RPS27L: variants seen among roughly 807,000 people sequenced by gnomAD.
RPS27L encodes ribosomal protein S27 like.
A neutral mutation model predicts 12.8 loss-of-function variants in RPS27L; 10 were observed. The observed-to-expected ratio is 0.78, with a 90% CI of 0.48 to 1.33. The LOEUF (loss-of-function observed/expected upper bound fraction) is 1.33, where lower values mean the gene tolerates loss of function less well. Among genes scored for constraint, RPS27L ranks in the 40% most tolerant of loss-of-function variants. The probability of loss-of-function intolerance (pLI) is 0.00; values close to 1 mark genes in which losing one functional copy is unlikely to be tolerated. For synonymous variants in RPS27L, 26 were observed against 32.3 expected, an observed-to-expected ratio of 0.81 and a Z score of 0.66; for missense variants, 81 against 97.4, an observed-to-expected ratio of 0.83 and a Z score of 0.71.
intron 3 of RPS27L, 65 bp downstream of exon 3, chr15:63,155,556 G>A (rs1011493667): frequency 4.9e-6 from 5 of 1,028,360 alleles, no homozygotes; most frequent in East Asian, 2.6e-5. Context: ...AAACTTTTCA[G>A]TGAAGATAGA....
At position 63,154,079 on chromosome 15, in the gene RPS27L, A is replaced by T; in HGVS notation, c.227-19T>A. ...GAACACCCTGCAAAAGAATCATGAG[A>T]GTATATTAAACAAGTGCATTCTACC... On this transcript the variant is annotated intron_variant, in intron 3 of 3. Coordinates refer to ENST00000330964, the MANE Select transcript of RPS27L (RefSeq NM_015920.4). 3.1e-6 allele frequency: 5 copies of T among 1,597,654 alleles called. No individual in the cohort carries two copies. The highest frequency in any genetic ancestry group is 4.3e-6 in the Non-Finnish European group (5 of 1,166,760).
At chr15:63,157,121 G>A in intron 1 of RPS27L, 2 of 523,612 alleles carry the variant, frequency 3.8e-6, no homozygotes, top group Non-Finnish European at 6.8e-6. Flanking sequence ...AACCTCAGGG[G>A]CATCCTCAAA....
rs2037286890 is a variant in RPS27L at position 63,149,575 on chromosome 15, AAAAAAAAAAG to A, written c.*4447_*4456del. ...GAGCAAGACTCCGTCTCAAAAAAAA[AAAAAAAAAAG>A]AAAGAAAAAGAAAAAAGAGAATTAC... is the stretch of plus-strand genomic sequence containing the variant. On this transcript the variant is annotated 3_prime_UTR_variant, in exon 4 of 4. Transcript: ENST00000330964. 3.2e-5 allele frequency: 2 copies of A among 61,562 alleles called. No individual in the cohort carries two copies. Among genetic ancestry groups the A allele is most frequent in the South Asian group, 8.6e-4 (2 of 2,332 alleles). 3.8% of individuals were successfully genotyped at this position (61,562 alleles called of 1,614,324 possible). A position where few individuals can be genotyped will look rare whatever the true frequency, so the allele number is the denominator to read the frequency against.
At chr15:63,154,747 G>A (rs1355356916) in intron 3 of RPS27L, 1 of 151,890 alleles carries the variant, frequency 6.6e-6, no homozygotes, top group Non-Finnish European at 1.5e-5. Context: ...AAATTTACAA[G>A]TATTACTATG....
rs2037293472 is a variant in RPS27L, at chr15:63,150,473, G to C, written c.*3559C>G. On this transcript the variant is annotated 3_prime_UTR_variant, in exon 4 of 4. Transcript: ENST00000330964. ...CCTTGTAAATATAGTAAAAACTACT[G>C]ACTTTTACATCACAGAAGTTTGGAT... 1 of 152,156 alleles carries C rather than the reference G, an allele frequency of 6.6e-6. No individual in the cohort carries two copies. Among genetic ancestry groups the C allele is most frequent in the African/African-American group, 2.4e-5 (1 of 41,424 alleles). 9.4% of individuals were successfully genotyped at this position (152,156 alleles called of 1,614,324 possible).
Position 63,157,427 on chromosome 15 carries a change from G to C in RPS27L, c.-22C>G, listed in dbSNP as rs746203378. On this transcript the variant is annotated 5_prime_UTR_variant, in exon 1 of 4. Coordinates refer to ENST00000330964, the MANE Select transcript of RPS27L (RefSeq NM_015920.4). ...GCATGTTGATCCTCTTGCAAGCTCA[G>C]CCCTACCAGACCTCCCAGCCCACAC... The C allele has an allele frequency of 1.2e-6, 2 of 1,613,876 alleles. No individual in the cohort carries two copies. The highest frequency in any genetic ancestry group is 1.1e-5 in the South Asian group (1 of 91,086).
In RPS27L at chr15:63,156,496, G is replaced by A; in HGVS notation, c.32C>T (p.Ser11Phe). 6.2e-7 allele frequency: 1 copy of A among 1,606,330 alleles called. No individual in the cohort carries two copies. Among genetic ancestry groups the A allele is most frequent in the Non-Finnish European group, 8.5e-7 (1 of 1,175,036 alleles). Residue 11 changes from serine (S) to phenylalanine (F), a missense_variant, in exon 2 of 4, where the codon TCC becomes TTC. By Grantham distance (155) the Ser-to-Phe change is radical (BLOSUM62 -2). Coordinates refer to ENST00000330964, the MANE Select transcript of RPS27L (RefSeq NM_015920.4). The stretch of plus-strand genomic sequence containing the variant: ...ATGTTTTTTCTTTTCCTCTTCCAAG[G>A]ACGGATGTAGTAAATCTCTAGCCAA... MPLARDLLHP[S>F]LEEEKKKHKK...
rs897939828 is a variant in RPS27L, at chr15:63,151,150, C to A, written c.*2882G>T. ...GAAAGTCCTGGTGTCCTATTCAGCA[C>A]TTTTCAAAACCAGTAATACCATCTA... On this transcript the variant is annotated 3_prime_UTR_variant, in exon 4 of 4. Coordinates refer to ENST00000330964, the MANE Select transcript of RPS27L (RefSeq NM_015920.4). 6.6e-6 allele frequency: 1 copy of A among 152,200 alleles called. No individual in the cohort carries two copies. Among genetic ancestry groups the A allele is most frequent in the Non-Finnish European group, 1.5e-5 (1 of 68,046 alleles). The allele number at this position is 152,200 out of a possible 1,614,324, so 9.4% of individuals were successfully genotyped here.
chr15:63,154,640 T>C (rs1261776950), intron 3 of RPS27L: 1 of 152,188 alleles, frequency 6.6e-6, no homozygotes, highest in African/African-American at 2.4e-5. Flanking sequence ...AGATCTCAGA[T>C]TTGCTGCCAA....
At position 63,149,397 on chromosome 15, in the gene RPS27L, A is replaced by T. The variant is rs1471082884; in HGVS notation, c.*4635T>A. The T allele has an allele frequency of 6.6e-6, 1 of 151,992 alleles. No individual in the cohort carries two copies. Among genetic ancestry groups the T allele is most frequent in the Non-Finnish European group, 1.5e-5 (1 of 68,040 alleles). The allele number at this position is 151,992 out of a possible 1,614,324, so 9.4% of individuals were successfully genotyped here. A position where few individuals can be genotyped will look rare whatever the true frequency, so the allele number is the denominator to read the frequency against. On this transcript the variant is annotated 3_prime_UTR_variant, in exon 4 of 4. Transcript: ENST00000330964. Reference sequence around the variant, plus strand: ...GCTAACACGGTGAAACCCCATCTCTACTAAAAATACTTTAAAAAAATTAGC... The same window carrying T: ...GCTAACACGGTGAAACCCCATCTCTTCTAAAAATACTTTAAAAAAATTAGC...
In RPS27L at chr15:63,149,504, T is replaced by G; in HGVS notation, c.*4528A>C. The G allele has an allele frequency of 6.9e-6, 1 of 144,756 alleles. No individual in the cohort carries two copies. The highest frequency in any genetic ancestry group is 1.5e-5 in the Non-Finnish European group (1 of 65,334). The allele number at this position is 144,756 out of a possible 1,614,324, so 9.0% of individuals were successfully genotyped here. A position where few individuals can be genotyped will look rare whatever the true frequency, so the allele number is the denominator to read the frequency against. ...ATGGCGTGAACCCAGGAGGAGGAGC[T>G]TGCGGTGAACTGAGATTGCGCCACT... On this transcript the variant is annotated 3_prime_UTR_variant, in exon 4 of 4. Coordinates refer to ENST00000330964, the MANE Select transcript of RPS27L (RefSeq NM_015920.4).
In RPS27L at chr15:63,151,100, G is replaced by A. The variant is rs1261461428; in HGVS notation, c.*2932C>T. The stretch of plus-strand genomic sequence containing the variant: ...TTTAAAACATTCAGTATATAATAAT[G>A]TATGTGGCTGACCCTGAAGTTTGGG... On this transcript the variant is annotated 3_prime_UTR_variant, in exon 4 of 4. Transcript: ENST00000330964. The A allele has an allele frequency of 2.0e-5, 3 of 152,108 alleles. No individual in the cohort carries two copies. Among genetic ancestry groups the A allele is most frequent in the Non-Finnish European group, 4.4e-5 (3 of 68,030 alleles). 9.4% of individuals were successfully genotyped at this position (152,108 alleles called of 1,614,324 possible). A position where few individuals can be genotyped will look rare whatever the true frequency, so the allele number is the denominator to read the frequency against.
At position 63,155,697 on chromosome 15, in the gene RPS27L, A is replaced by G. The variant is rs1226666202; in HGVS notation, c.150T>C (p.Ala50=). The change falls in exon 3 of 4, where the codon GCT becomes GCC. Residue 50 remains alanine (A), a synonymous_variant. Transcript: ENST00000330964. ...CYKITTVFSH[A]QTVVLCVGCS... Reference sequence around the variant, plus strand: ...AACCTACACAAAGAACCACTGTCTGAGCATGGCTGAAAACCGTGGTGATCT... The same window carrying G: ...AACCTACACAAAGAACCACTGTCTGGGCATGGCTGAAAACCGTGGTGATCT... The G allele has an allele frequency of 1.3e-6, 2 of 1,547,992 alleles. No individual in the cohort carries two copies. The highest frequency in any genetic ancestry group is 1.7e-6 in the Non-Finnish European group (2 of 1,150,308).
rs75732482 is a variant in RPS27L, at chr15:63,154,458, T to C, written c.227-398A>G. 295 of 164,104 alleles carry C rather than the reference T, an allele frequency of 1.8e-3. 3 individuals are homozygous for C. In the East Asian group the frequency reaches 0.042, roughly 23 times the overall value. 10.2% of individuals were successfully genotyped at this position (164,104 alleles called of 1,614,324 possible). On this transcript the variant is annotated intron_variant, in intron 3 of 3. Transcript: ENST00000330964. Reference sequence around the variant, plus strand: ...CCTATTAGGAAAACTCTAGAACAGATAGACCCATTAAACCATCTGTCAGCA... The same window carrying C: ...CCTATTAGGAAAACTCTAGAACAGACAGACCCATTAAACCATCTGTCAGCA...
intron 1 of RPS27L, chr15:63,157,167 T>A (rs2037337755): frequency 1.7e-6 from 1 of 593,736 alleles, no homozygotes; most frequent in African/African-American, 1.9e-5. Context: ...AGAGAACTGT[T>A]CCCCTCCCAG....
In RPS27L at chr15:63,153,937, A is replaced by T; in HGVS notation, c.*95T>A. ...ATACCTTACAAAACCAAATGTAATT[A>T]CATTATCTTGGTAAATTAATTAGAA... On this transcript the variant is annotated 3_prime_UTR_variant, in exon 4 of 4. Coordinates refer to ENST00000330964, the MANE Select transcript of RPS27L (RefSeq NM_015920.4). The T allele has an allele frequency of 1.8e-6, 2 of 1,085,684 alleles. No individual in the cohort carries two copies. Among genetic ancestry groups the T allele is most frequent in the Non-Finnish European group, 2.8e-6 (2 of 711,224 alleles). 67.3% of individuals were successfully genotyped at this position (1,085,684 alleles called of 1,614,324 possible). A position where few individuals can be genotyped will look rare whatever the true frequency, so the allele number is the denominator to read the frequency against.
rs1169790737 is a variant in RPS27L, at chr15:63,152,777, G to T, written c.*1255C>A. The T allele has an allele frequency of 3.3e-5, 5 of 152,132 alleles. No individual in the cohort carries two copies. Among genetic ancestry groups the T allele is most frequent in the African/African-American group, 1.2e-4 (5 of 41,392 alleles). 9.4% of individuals were successfully genotyped at this position (152,132 alleles called of 1,614,324 possible). A position where few individuals can be genotyped will look rare whatever the true frequency, so the allele number is the denominator to read the frequency against. On this transcript the variant is annotated 3_prime_UTR_variant, in exon 4 of 4. Transcript: ENST00000330964. ...CCCAAAGTGCTGGGATTACAGGTGT[G>T]AGCCACTGCGCCCAGCCTTCCTTAT... is the stretch of plus-strand genomic sequence containing the variant.
chr15:63,150,075 C>T lies in RPS27L; in HGVS notation c.*3957G>A, dbSNP rs922028197. 2 of 151,762 alleles carry T rather than the reference C, an allele frequency of 1.3e-5. No individual in the cohort carries two copies. Among genetic ancestry groups the T allele is most frequent in the Admixed American group, 1.3e-4 (2 of 15,222 alleles). The allele number at this position is 151,762 out of a possible 1,614,324, so 9.4% of individuals were successfully genotyped here. ...TAGGGAACAGAGCAAGACTCCATCT[C>T]AAAAATAAATAAATAAAAAGTGAAA... On this transcript the variant is annotated 3_prime_UTR_variant, in exon 4 of 4. Transcript: ENST00000330964.
In RPS27L at chr15:63,149,731, G is replaced by A. The variant is rs954469891; in HGVS notation, c.*4301C>T. 3 of 152,036 alleles carry A rather than the reference G, an allele frequency of 2.0e-5. No individual in the cohort carries two copies. Among genetic ancestry groups the A allele is most frequent in the South Asian group, 2.1e-4 (1 of 4,822 alleles). The allele number at this position is 152,036 out of a possible 1,614,324, so 9.4% of individuals were successfully genotyped here. ...CCACACCCTAATCCCCAGAACCTAC[G>A]AATATGTTACCTTACATAGCAAAAT... On this transcript the variant is annotated 3_prime_UTR_variant, in exon 4 of 4. Transcript: ENST00000330964.
Sources: allele counts gnomAD v4.1 joint callset, GRCh38; gene constraint gnomAD v4.1.1; transcripts MANE v1.5; gene names NCBI Gene and HGNC (gene_info 2026-07-23, HGNC 2026-07-21).